The following WDFY4 variants were observed in gnomAD, a reference collection of about 807,000 sequenced individuals.
The protein encoded by WDFY4 is WDFY family member 4, also known as WD repeat- and FYVE domain-containing protein 4.
Under a neutral mutation model 351.9 loss-of-function variants are expected in WDFY4, and 169 were observed. The observed-to-expected ratio is 0.48, with a 90% CI of 0.42 to 0.55. The LOEUF is 0.55. WDFY4 is among the 20% of genes least tolerant of loss of function. WDFY4 has a pLI of 0.00. For synonymous variants in WDFY4, 1,622 were observed against 1,574.6 expected (o/e 1.03, Z -0.71); for missense variants, 3,803 against 3,935.6 (o/e 0.97, Z 0.90).
intron 39 of WDFY4, among the ~76,000 whole-genome samples, chr10:48,844,064 G>GCGCCTGC (rs1241901017): frequency 6.6e-6 from 1 of 152,206 alleles, no homozygotes; most frequent in Admixed American, 6.5e-5. Flanking sequence ...GGGCCGCCTG[G>GCGCCTGC]CGCCTGCCGC....
At chr10:48,845,506 C>T (rs1269705621) in intron 39 of WDFY4, among the ~76,000 whole-genome samples, 1 of 152,126 alleles carries the variant, frequency 6.6e-6, no homozygotes, top group Non-Finnish European at 1.5e-5. Context: ...TTTGGAGGAG[C>T]TTGATCTGAG....
At chr10:48,726,833 T>C (rs897554831) in intron 6 of WDFY4, among the ~76,000 whole-genome samples, 1 of 152,250 alleles carries the variant, frequency 6.6e-6, no homozygotes, top group Non-Finnish European at 1.5e-5. Context: ...AAGAGGCTTC[T>C]CTTGATGAGA....
At position 48,887,233 on chromosome 10, in the gene WDFY4, G is replaced by C. The variant is rs567881894; in HGVS notation, c.7168-3346G>C. On this transcript the variant is annotated intron_variant, in intron 43 of 61. Coordinates refer to ENST00000325239, the MANE Select transcript of WDFY4 (RefSeq NM_001394531.1). ...GCCTGGTGTCACAGGGAGGAGAGAGGGTTTGGAGGCACATAGGCCAGGGCT... is the reference window on the plus strand; with the variant it reads ...GCCTGGTGTCACAGGGAGGAGAGAGCGTTTGGAGGCACATAGGCCAGGGCT... Among the ~76,000 whole-genome samples the C allele has an allele frequency of 2.0e-5, 3 of 152,260 alleles. No individual in the cohort carries two copies. In the South Asian group the frequency reaches 6.2e-4, roughly 32 times the overall value.
At chr10:48,946,777 T>G in intron 50 of WDFY4, 83 bp from the exon 51 acceptor site, 1 of 1,012,448 alleles carries the variant, frequency 9.9e-7, no homozygotes, top group Non-Finnish European at 1.5e-6. Context: ...TTAATGCCGT[T>G]CATGAACACA....
At chr10:48,865,359 G>A (rs2069507713) in intron 39 of WDFY4, among the ~76,000 whole-genome samples, 1 of 152,156 alleles carries the variant, frequency 6.6e-6, no homozygotes, top group East Asian at 1.9e-4. Context: ...CTATTATGTG[G>A]TGTAGTACAT....
intron 47 of WDFY4, among the ~76,000 whole-genome samples, chr10:48,903,071 C>T (rs1482638696): frequency 1.3e-5 from 2 of 152,064 alleles, no homozygotes; most frequent in Non-Finnish European, 2.9e-5. Context: ...GATCGCGCCA[C>T]TGCACTCCAG....
At chr10:48,716,720 C>T (rs142113079) in intron 2 of WDFY4, among the ~76,000 whole-genome samples, 58 of 152,284 alleles carry the variant, frequency 3.8e-4, no homozygotes, top group African/African-American at 1.2e-3. Flanking sequence ...TTGTGGAGTG[C>T]CTCCTGGAGT....
Position 48,787,886 on chromosome 10 carries a change from T to C in WDFY4, c.3809-644T>C, listed in dbSNP as rs554415044. On this transcript the variant is annotated intron_variant, in intron 20 of 61. Transcript: ENST00000325239. ...CTTCTTCTTTCTTCTTTCTTTCTTC[T>C]TCTTCTCCTTCTTCTTCTTCTTCTT... is the stretch of plus-strand genomic sequence containing the variant. Among the ~76,000 whole-genome samples the C allele has an allele frequency of 5.2e-4, 43 of 82,152 alleles. 5 individuals are homozygous for C. Among genetic ancestry groups the C allele is most frequent in the African/African-American group, 3.3e-3 (40 of 12,114 alleles). 53.9% of individuals were successfully genotyped at this position (82,152 alleles called of 152,430 possible).
chr10:48,876,406 G>A (rs1452325755), intron 42 of WDFY4, among the ~76,000 whole-genome samples: 1 of 152,180 alleles, frequency 6.6e-6, no homozygotes. Context: ...AAAGTAATTA[G>A]CCTGTTTCAG....
In WDFY4 at chr10:48,901,818, C is replaced by T; in HGVS notation, c.7541C>T (p.Pro2514Leu). The T allele has an allele frequency of 6.4e-7, 1 of 1,551,600 alleles. No individual in the cohort carries two copies. Among genetic ancestry groups the T allele is most frequent in the Admixed American group, 2.0e-5 (1 of 51,004 alleles). Residue 2514 changes from proline to leucine, a missense_variant, in exon 47 of 62, where the codon CCC (proline) becomes CTC (leucine). Pro to Leu is a moderately conservative substitution (Grantham distance 98). Transcript: ENST00000325239. Reference sequence around the variant, plus strand: ...TCATGTAGCTTCTGCTCTTTCCAACCCAGCCTGAAGGGGAAAGCCACCTCG... The same window carrying T: ...TCATGTAGCTTCTGCTCTTTCCAACTCAGCCTGAAGGGGAAAGCCACCTCG... The part of the protein sequence containing the change: ...KAFKSFCSFQ[P>L]SLKGKATSED...
intron 43 of WDFY4, among the ~76,000 whole-genome samples, chr10:48,887,721 G>A (rs1380734140): frequency 2.6e-5 from 4 of 151,084 alleles, no homozygotes; most frequent in African/African-American, 9.7e-5. Flanking sequence ...GGAGCTTGCA[G>A]TGAGTGGAGA....
chr10:48,943,573 C>A, intron 49 of WDFY4, 124 bp downstream of exon 49: 1 of 949,380 alleles, frequency 1.1e-6, no homozygotes. Context: ...GTACCTGGGC[C>A]TAAAGGCTGC....
chr10:48,729,925 A>G (rs2064400625), intron 8 of WDFY4, among the ~76,000 whole-genome samples: 1 of 152,218 alleles, frequency 6.6e-6, no homozygotes, highest in Non-Finnish European at 1.5e-5. Flanking sequence ...GTACTTTGAG[A>G]CATTGATTGA....
intron 47 of WDFY4, among the ~76,000 whole-genome samples, chr10:48,921,601 C>T (rs576737656): frequency 0.022 from 971 of 43,570 alleles, 13 homozygotes; most frequent in African/African-American, 0.05. Flanking sequence ...ATTAAAAGCT[C>T]TGTGGAAAAA....
Position 48,826,683 on chromosome 10 carries a change from G to C in WDFY4, c.5995G>C (p.Ala1999Pro). 1 of 1,550,984 alleles carries C rather than the reference G, an allele frequency of 6.4e-7. No individual in the cohort carries two copies. The highest frequency in any genetic ancestry group is 8.7e-7 in the Non-Finnish European group (1 of 1,146,348). ...TTTAATGACACAGGTCATTGAGACT[G>C]CCTCTTCTCAAAGGGACACTGTCCT... The part of the protein sequence containing the change: ...LEHIMVVIET[A>P]SSQRDTVLST... Residue 1999 changes from alanine to proline, a missense_variant, in exon 36 of 62, where the codon GCC (alanine) becomes CCC (proline). Coordinates refer to ENST00000325239, the MANE Select transcript of WDFY4 (RefSeq NM_001394531.1).
chr10:48,911,800 A>T (rs1346731618), intron 47 of WDFY4, among the ~76,000 whole-genome samples: 1 of 152,192 alleles, frequency 6.6e-6, no homozygotes, highest in Non-Finnish European at 1.5e-5. Context: ...ACAATGAAAA[A>T]CACTTAATAA....
At chr10:48,855,347 T>C (rs2069099965) in intron 39 of WDFY4, among the ~76,000 whole-genome samples, 1 of 152,194 alleles carries the variant, frequency 6.6e-6, no homozygotes, top group Non-Finnish European at 1.5e-5. Context: ...GTAGTCCCTC[T>C]TTTAGTATCT....
At chr10:48,980,320 G>A (rs567646476) in intron 60 of WDFY4, among the ~76,000 whole-genome samples, 7 of 152,196 alleles carry the variant, frequency 4.6e-5, no homozygotes, top group South Asian at 4.2e-4. Flanking sequence ...TGCTTTGTTG[G>A]AAAGGGACCT....
intron 2 of WDFY4, among the ~76,000 whole-genome samples, chr10:48,718,384 C>T (rs1436605858): frequency 6.6e-6 from 1 of 152,142 alleles, no homozygotes; most frequent in Non-Finnish European, 1.5e-5. Flanking sequence ...AAGCATAATG[C>T]TACAGCAAGA....
Sources: allele counts gnomAD v4.1 joint callset (sites outside exome capture counted in the v4.1 genomes callset), GRCh38; gene constraint gnomAD v4.1.1; transcripts MANE v1.5; gene names NCBI Gene and HGNC (gene_info 2026-07-23, HGNC 2026-07-21).